The following MSRA variants were observed in gnomAD, a reference collection of about 807,000 sequenced individuals.
MSRA encodes mitochondrial peptide methionine sulfoxide reductase.
Under a neutral mutation model 31.3 loss-of-function variants are expected in MSRA, and 54 were observed. That is an observed-to-expected ratio of 1.73 (90% confidence interval 1.39 to 2.17). The LOEUF (loss-of-function observed/expected upper bound fraction) is 2.17, where lower values mean the gene tolerates loss of function less well. Among genes scored for constraint, MSRA ranks in the 30% most tolerant of loss-of-function variants. The pLI, the probability that MSRA is intolerant of heterozygous loss-of-function variation, is 0.00. For synonymous variants in MSRA, 169 were observed against 116.5 expected, an observed-to-expected ratio of 1.45 and a Z score of -2.90; for missense variants, 507 against 300.9, an observed-to-expected ratio of 1.69 and a Z score of -5.07.
intron 1 of MSRA, among the ~76,000 whole-genome samples, chr8:10,201,370 C>G (rs928076934): frequency 2.6e-5 from 4 of 152,130 alleles, no homozygotes; most frequent in Non-Finnish European, 4.4e-5. Context: ...CAAGACTCTT[C>G]CAGTCCTGAG....
intron 5 of MSRA, among the ~76,000 whole-genome samples, chr8:10,422,133 T>C (rs1808852106): frequency 6.6e-6 from 1 of 152,110 alleles, no homozygotes; most frequent in Admixed American, 6.5e-5. Context: ...AAAATTAAAA[T>C]TAGCCAGGTA....
At position 10,133,988 on chromosome 8, in the gene MSRA, G is replaced by A. The variant is rs537899445; in HGVS notation, c.143-73845G>A. ...TGGGATTACAGGCACCTGCCACCAT[G>A]CCTGGCTAATTTTTGTATTTTTAGT... On this transcript the variant is annotated intron_variant, in intron 1 of 5. Transcript: ENST00000317173. 1.1e-4 allele frequency among the ~76,000 whole-genome samples: 17 copies of A among 152,114 alleles called. No homozygotes were observed. The East Asian group carries it at 3.1e-3, about 28-fold the overall frequency.
At chr8:10,291,731 G>A (rs936377956) in intron 3 of MSRA, among the ~76,000 whole-genome samples, 1 of 152,062 alleles carries the variant, frequency 6.6e-6, no homozygotes, top group African/African-American at 2.4e-5. Context: ...TTGGTTTAAC[G>A]GTTTGGATAA....
At chr8:10,296,331 G>A (rs1411943824) in intron 3 of MSRA, among the ~76,000 whole-genome samples, 3 of 152,192 alleles carry the variant, frequency 2.0e-5, no homozygotes, top group East Asian at 1.9e-4. Flanking sequence ...ATCCTTGTAC[G>A]GAAACACGAA....
chr8:10,211,030 C>G (rs1366156293), intron 2 of MSRA, among the ~76,000 whole-genome samples: 1 of 152,106 alleles, frequency 6.6e-6, no homozygotes, highest in African/African-American at 2.4e-5. Flanking sequence ...GTCATCGCAC[C>G]CGGCCACAAT....
intron 2 of MSRA, among the ~76,000 whole-genome samples, chr8:10,236,825 C>T (rs192138073): frequency 6.6e-6 from 1 of 152,130 alleles, no homozygotes; most frequent in Non-Finnish European, 1.5e-5. Flanking sequence ...AGATTGCAGG[C>T]GTGAGCCACC....
At chr8:10,323,222 C>G (rs1359976648) in intron 5 of MSRA, among the ~76,000 whole-genome samples, 1 of 152,068 alleles carries the variant, frequency 6.6e-6, no homozygotes, top group Non-Finnish European at 1.5e-5. Context: ...CCAACCCCAA[C>G]CAAGAACTTA....
intron 5 of MSRA, 78 bp from the exon 6 acceptor site, chr8:10,428,070 C>G: frequency 1.3e-6 from 2 of 1,499,710 alleles, no homozygotes; most frequent in Non-Finnish European, 1.8e-6. Context: ...CACTGCAGCC[C>G]TGGCCCCTCA....
At chr8:10,072,185 C>A (rs1323909185) in intron 1 of MSRA, among the ~76,000 whole-genome samples, 1 of 152,168 alleles carries the variant, frequency 6.6e-6, no homozygotes, top group Non-Finnish European at 1.5e-5. Context: ...AAGGCATAAG[C>A]CTGCCACAGG....
chr8:10,096,212 T>C (rs1240093015), intron 1 of MSRA: 1 of 1,250,136 alleles, frequency 8.0e-7, no homozygotes, highest in Non-Finnish European at 1.0e-6. Context: ...TTATTTCTGC[T>C]GCTTCATGCT....
chr8:10,163,741 G>A (rs915024562), intron 1 of MSRA, among the ~76,000 whole-genome samples: 1 of 152,268 alleles, frequency 6.6e-6, no homozygotes, highest in African/African-American at 2.4e-5. Flanking sequence ...GGCAGCCAGA[G>A]GCGTCATCAA....
chr8:10,080,954 A>G (rs1585105731), intron 1 of MSRA, among the ~76,000 whole-genome samples: 1 of 152,362 alleles, frequency 6.6e-6, no homozygotes, highest in South Asian at 2.1e-4. Flanking sequence ...TGGGCAAGGC[A>G]TAGTCCAGAT....
chr8:10,258,090 A>T (rs919151433), intron 3 of MSRA, among the ~76,000 whole-genome samples: 3 of 152,172 alleles, frequency 2.0e-5, no homozygotes, highest in African/African-American at 7.2e-5. Flanking sequence ...GCTGGGGGAT[A>T]GGGAGGGGGT....
chr8:10,401,606 C>A (rs973935981), intron 5 of MSRA, among the ~76,000 whole-genome samples: 6 of 152,118 alleles, frequency 3.9e-5, no homozygotes, highest in Non-Finnish European at 8.8e-5. Flanking sequence ...AACCTGTACA[C>A]CTGTGTTCTT....
At chr8:10,332,451 T>TCCCCCCC (rs373121180) in intron 5 of MSRA, among the ~76,000 whole-genome samples, 8 of 146,504 alleles carry the variant, frequency 5.5e-5, no homozygotes, top group African/African-American at 7.6e-5. Flanking sequence ...AAAAGAAAAA[T>TCCCCCCC]CCCCCCTCCC....
At chr8:10,214,878 T>A (rs1232171306) in intron 2 of MSRA, among the ~76,000 whole-genome samples, 3 of 152,170 alleles carry the variant, frequency 2.0e-5, no homozygotes, top group Non-Finnish European at 4.4e-5. Context: ...TCTTCTTGAG[T>A]GTAGAGAAGT....
At chr8:10,110,655 CTG>C (rs1800212128) in intron 1 of MSRA, among the ~76,000 whole-genome samples, 1 of 152,204 alleles carries the variant, frequency 6.6e-6, no homozygotes, top group African/African-American at 2.4e-5. Context: ...TTGGCAGGAT[CTG>C]TGTCAAATGT....
intron 4 of MSRA, among the ~76,000 whole-genome samples, chr8:10,314,624 A>G (rs1199342772): frequency 1.3e-5 from 2 of 152,258 alleles, no homozygotes; most frequent in Non-Finnish European, 2.9e-5. Flanking sequence ...ACATGCAAAC[A>G]CTATACAGCA....
At chr8:10,414,116 G>A (rs140495381) in intron 5 of MSRA, among the ~76,000 whole-genome samples, 118 of 152,184 alleles carry the variant, frequency 7.8e-4, no homozygotes, top group African/African-American at 2.6e-3. Flanking sequence ...GCAGTGAGCC[G>A]TGATCGTGCC....
Sources: allele counts gnomAD v4.1 joint callset (sites outside exome capture counted in the v4.1 genomes callset), GRCh38; gene constraint gnomAD v4.1.1; transcripts MANE v1.5; gene names NCBI Gene and HGNC (gene_info 2026-07-23, HGNC 2026-07-21).